HIRA: variants seen among roughly 807,000 people sequenced by gnomAD.
HIRA encodes the protein protein HIRA.
HIRA carries 13 observed loss-of-function variants against 126.6 expected under a neutral mutation model. That is an observed-to-expected ratio of 0.10 (90% CI 0.07 to 0.16). The LOEUF (loss-of-function observed/expected upper bound fraction) is 0.16. Ranked by LOEUF, HIRA falls within the 10% of genes least tolerant of loss-of-function variation. HIRA has a pLI of 1.00. For missense variants in HIRA, 834 were observed against 1,314.4 expected (o/e 0.63, Z 5.65); for synonymous variants, 511 against 520.0 (o/e 0.98, Z 0.24).
intron 15 of HIRA, among the ~76,000 whole-genome samples, chr22:19,365,315 A>G (rs1234091032): frequency 2.0e-5 from 3 of 152,260 alleles, no homozygotes; most frequent in Non-Finnish European, 4.4e-5. Flanking sequence ...ACAGCCTTCT[A>G]TCAGAAGAAG....
In HIRA at chr22:19,353,417, C is replaced by A; in HGVS notation, c.2787G>T (p.Leu929=). 1 of 1,613,062 alleles carries A rather than the reference C, an allele frequency of 6.2e-7. No homozygotes were observed. Among genetic ancestry groups the A allele is most frequent in the South Asian group, 1.1e-5 (1 of 90,964 alleles). Residue 929 remains leucine (L), a synonymous_variant, in exon 23 of 25, where the codon CTG becomes CTT. Transcript: ENST00000263208. ...LENQVAAALT[L]QSSHEYRHWL... The stretch of plus-strand genomic sequence containing the variant: ...AATGGCGGTACTCGTGGCTGGACTG[C>A]AGGGTGAGTGCTGCTGCCACCTGGT...
chr22:19,399,909 T>G (rs2089254050), intron 5 of HIRA, among the ~76,000 whole-genome samples: 1 of 152,218 alleles, frequency 6.6e-6, no homozygotes. Context: ...TCTAACAACA[T>G]AAATGCAGTG....
Position 19,431,519 on chromosome 22 carries a change from C to T in HIRA, c.-43G>A. The T allele has an allele frequency of 6.5e-7, 1 of 1,527,996 alleles. No individual in the cohort carries two copies. Among genetic ancestry groups the T allele is most frequent in the South Asian group, 1.1e-5 (1 of 87,590 alleles). The allele number at this position is 1,527,996 out of a possible 1,614,324, so 94.7% of individuals were successfully genotyped here. A position where few individuals can be genotyped will look rare whatever the true frequency, so the allele number is the denominator to read the frequency against. ...CGCCGGGCTGAGGCGAGCGCCGGGT[C>T]CCTCAGCGCGCCCGGGCCATGGAGC... On this transcript the variant is annotated 5_prime_UTR_variant, in exon 1 of 25. Transcript: ENST00000263208.
At position 19,357,111 on chromosome 22, in the gene HIRA, GCC is replaced by G. The variant is rs782720537; in HGVS notation, c.2235-62_2235-61del. The G allele has an allele frequency of 1.3e-5, 20 of 1,585,994 alleles. No individual in the cohort carries two copies. The East Asian group carries it at 2.9e-4, about 23-fold the overall frequency. ...GCTGAGTGCTGCAGCCAAGACAGTA[GCC>G]CTGGAAGTGTGGGCCTTCCCTCTGC... On this transcript the variant is annotated intron_variant, in intron 18 of 24. Transcript: ENST00000263208.
intron 7 of HIRA, among the ~76,000 whole-genome samples, chr22:19,395,568 C>G (rs979637852): frequency 6.6e-6 from 1 of 152,132 alleles, no homozygotes; most frequent in African/African-American, 2.4e-5. Flanking sequence ...TGGTGTTGTG[C>G]GGGAAGAACT....
At chr22:19,364,557 T>C (rs1415265345) in intron 15 of HIRA, among the ~76,000 whole-genome samples, 1 of 152,210 alleles carries the variant, frequency 6.6e-6, no homozygotes, top group Non-Finnish European at 1.5e-5. Flanking sequence ...TTGTATCTGT[T>C]TTGGTGATCT....
intron 24 of HIRA, among the ~76,000 whole-genome samples, chr22:19,346,927 G>A (rs1299906167): frequency 6.6e-6 from 1 of 152,214 alleles, no homozygotes; most frequent in Non-Finnish European, 1.5e-5. Flanking sequence ...TCAGCAGGAA[G>A]GAGGGGAGAA....
chr22:19,367,368 ATT>A (rs34765416), intron 15 of HIRA, among the ~76,000 whole-genome samples: 113,635 of 138,800 alleles, frequency 0.82, 46,152 homozygotes, highest in Admixed American at 0.85. Context: ...CCAATGTACC[ATT>A]TTTTTTTTTT....
chr22:19,386,077 T>C lies in HIRA; in HGVS notation c.1114-341A>G, dbSNP rs1305746621. On this transcript the variant is annotated intron_variant, in intron 11 of 24. Transcript: ENST00000263208. Reference sequence around the variant, plus strand: ...AAAGGAAGATACTCAAGGTGCTAACTTAAGGCTCTTAAATCACTCCTAGGA... The same window carrying C: ...AAAGGAAGATACTCAAGGTGCTAACCTAAGGCTCTTAAATCACTCCTAGGA... Among the ~76,000 whole-genome samples the C allele has an allele frequency of 9.2e-5, 14 of 152,194 alleles. No homozygotes were observed. The East Asian group carries it at 2.5e-3, about 27-fold the overall frequency.
intron 1 of HIRA, among the ~76,000 whole-genome samples, chr22:19,427,002 C>CA (rs2089493434): frequency 6.6e-6 from 1 of 152,178 alleles, no homozygotes; most frequent in Non-Finnish European, 1.5e-5. Context: ...AAACAGAAGA[C>CA]AAAATTCTTG....
intron 1 of HIRA, among the ~76,000 whole-genome samples, chr22:19,424,012 C>G (rs1170818684): frequency 6.6e-6 from 1 of 152,192 alleles, no homozygotes; most frequent in Non-Finnish European, 1.5e-5. Context: ...ACTCTACCAG[C>G]CAAGGACAAC....
chr22:19,332,740 C>G (rs1601791512), intron 24 of HIRA, among the ~76,000 whole-genome samples: 1 of 134,296 alleles, frequency 7.4e-6, no homozygotes, highest in East Asian at 2.1e-4. Context: ...GAAAGAATGA[C>G]AAGCCAAGAC....
chr22:19,347,926 G>A (rs2283649), intron 24 of HIRA, among the ~76,000 whole-genome samples: 62,556 of 152,054 alleles, frequency 0.41, 14,332 homozygotes, highest in Non-Finnish European at 0.52. Context: ...GTGACAGAGC[G>A]AGACTCCGTC....
chr22:19,361,968 A>G lies in HIRA; in HGVS notation c.1776-37T>C, dbSNP rs1297792447. 5 of 1,590,702 alleles carry G rather than the reference A, an allele frequency of 3.1e-6. No individual in the cohort carries two copies. In the Admixed American group the frequency reaches 6.7e-5, roughly 21 times the overall value. ...CATTACATCACACTTCCCTTCAGAAACCATTCATGCAAGAAAGAGTGAAGT... is the reference window on the plus strand; with the variant it reads ...CATTACATCACACTTCCCTTCAGAAGCCATTCATGCAAGAAAGAGTGAAGT... On this transcript the variant is annotated intron_variant, in intron 15 of 24. Transcript: ENST00000263208.
chr22:19,379,392 C>T (rs1418781590), intron 13 of HIRA, among the ~76,000 whole-genome samples: 7 of 150,570 alleles, frequency 4.6e-5, no homozygotes, highest in South Asian at 2.1e-4. Context: ...TTTGGCAGGC[C>T]GAGGCGGGTG....
At chr22:19,380,881 C>A (rs960387924) in intron 13 of HIRA, among the ~76,000 whole-genome samples, 9 of 152,206 alleles carry the variant, frequency 5.9e-5, no homozygotes, top group African/African-American at 2.2e-4. Context: ...GCCTCGGCCT[C>A]CCAAAGTGCT....
At chr22:19,362,566 A>AT (rs995093333) in intron 15 of HIRA, among the ~76,000 whole-genome samples, 3 of 149,320 alleles carry the variant, frequency 2.0e-5, no homozygotes, top group African/African-American at 2.5e-5. Flanking sequence ...TTTTATTATC[A>AT]TTTTTTTTTT....
At chr22:19,347,997 C>G (rs568681800) in intron 24 of HIRA, among the ~76,000 whole-genome samples, 4 of 152,296 alleles carry the variant, frequency 2.6e-5, no homozygotes, top group Non-Finnish European at 5.9e-5. Context: ...ATAGCAGGGG[C>G]TAGGGCCCTG....
At chr22:19,333,307 C>A (rs2088516460) in intron 24 of HIRA, among the ~76,000 whole-genome samples, 1 of 152,032 alleles carries the variant, frequency 6.6e-6, no homozygotes, top group Non-Finnish European at 1.5e-5. Context: ...TAAAAAGAGA[C>A]ATAACTACAG....
Sources: allele counts gnomAD v4.1 joint callset (sites outside exome capture counted in the v4.1 genomes callset), GRCh38; gene constraint gnomAD v4.1.1; transcripts MANE v1.5; gene names NCBI Gene and HGNC (gene_info 2026-07-23, HGNC 2026-07-21).